The following FAM167A variants were observed in gnomAD, a reference collection of about 807,000 sequenced individuals.
FAM167A encodes family with sequence similarity 167 member A.
Under a neutral mutation model 14.9 loss-of-function variants are expected in FAM167A, and 23 were observed. The ratio of observed to expected loss-of-function variants is 1.55; its 90% CI spans 1.11 to 2.19. The LOEUF is 2.19. Among genes scored for constraint, FAM167A ranks in the 30% most tolerant of loss-of-function variants. The pLI, the probability that FAM167A is intolerant of heterozygous loss-of-function variation, is 0.00. For synonymous variants in FAM167A, 174 were observed against 117.7 expected, an observed-to-expected ratio of 1.48 and a Z score of -3.10; for missense variants, 401 against 281.5, an observed-to-expected ratio of 1.42 and a Z score of -3.04.
At chr8:11,458,247 C>T (rs1026500869) in intron 1 of FAM167A, among the ~76,000 whole-genome samples, 2 of 152,188 alleles carry the variant, frequency 1.3e-5, no homozygotes, top group Admixed American at 1.3e-4. Flanking sequence ...AGTCTTCAAG[C>T]CTGGATCAAA....
At chr8:11,443,469 CCGACT>C (rs1049737308) in intron 2 of FAM167A, among the ~76,000 whole-genome samples, 4 of 152,190 alleles carry the variant, frequency 2.6e-5, no homozygotes. Flanking sequence ...ACCCATCCCG[CCGACT>C]CTGGGCAGCT....
At chr8:11,452,005 A>G (rs1322837784) in intron 1 of FAM167A, among the ~76,000 whole-genome samples, 1 of 152,188 alleles carries the variant, frequency 6.6e-6, no homozygotes, top group Admixed American at 6.5e-5. Flanking sequence ...TGGTGAGGAA[A>G]ATATACAACT....
intron 1 of FAM167A, among the ~76,000 whole-genome samples, chr8:11,452,370 T>A (rs972475356): frequency 6.6e-6 from 1 of 152,256 alleles, no homozygotes; most frequent in African/African-American, 2.4e-5. Context: ...CCAGCTGGGC[T>A]ACAGCCGGAC....
intron 1 of FAM167A, among the ~76,000 whole-genome samples, chr8:11,456,460 G>A (rs1475764217): frequency 1.6e-5 from 2 of 121,568 alleles, no homozygotes; most frequent in Non-Finnish European, 3.5e-5. Flanking sequence ...TTGCCCTGCT[G>A]TATGTGTGAG....
At chr8:11,472,676 T>C (rs1237584066) in intron 1 of FAM167A, among the ~76,000 whole-genome samples, 1 of 152,208 alleles carries the variant, frequency 6.6e-6, no homozygotes, top group Non-Finnish European at 1.5e-5. Flanking sequence ...TGAGCCTGGC[T>C]ACTTTGAGTA....
intron 1 of FAM167A, among the ~76,000 whole-genome samples, chr8:11,450,229 C>T (rs1388090940): frequency 6.6e-6 from 1 of 152,194 alleles, no homozygotes; most frequent in African/African-American, 2.4e-5. Flanking sequence ...GGAAGTTTTG[C>T]TTGATTTGCC....
intron 1 of FAM167A, among the ~76,000 whole-genome samples, chr8:11,451,274 T>C (rs1363244642): frequency 6.6e-6 from 1 of 152,188 alleles, no homozygotes; most frequent in South Asian, 2.1e-4. Flanking sequence ...GTGTGGCAGC[T>C]TGGCCATCAC....
At chr8:11,465,370 G>C (rs1234182202) in intron 1 of FAM167A, among the ~76,000 whole-genome samples, 1 of 152,144 alleles carries the variant, frequency 6.6e-6, no homozygotes, top group Non-Finnish European at 1.5e-5. Context: ...CCAGGTGTGG[G>C]AGCCACACCA....
At chr8:11,424,770 T>C (rs1805019387) in intron 2 of FAM167A, 134 bp from the exon 3 acceptor site, 2 of 1,313,356 alleles carry the variant, frequency 1.5e-6, no homozygotes, top group Admixed American at 2.4e-5. Flanking sequence ...GCACTTTCCC[T>C]GCTCAGGGAG....
At chr8:11,473,566 A>T (rs1232303988) in intron 1 of FAM167A, among the ~76,000 whole-genome samples, 1 of 152,186 alleles carries the variant, frequency 6.6e-6, no homozygotes, top group Non-Finnish European at 1.5e-5. Flanking sequence ...TAGATGTTCA[A>T]ACAAAAAGAA....
At chr8:11,455,636 G>GGGGT (rs1554530100) in intron 1 of FAM167A, among the ~76,000 whole-genome samples, 1 of 129,570 alleles carries the variant, frequency 7.7e-6, no homozygotes, top group Non-Finnish European at 1.6e-5. Flanking sequence ...TGCTCTGCTG[G>GGGGT]GTGTGAGTGT....
chr8:11,467,685 G>A (rs1453931760), upstream of FAM167A: 1 of 152,356 alleles, frequency 6.6e-6, no homozygotes, highest in Non-Finnish European at 1.5e-5. Context: ...CAGGCTCCAG[G>A]CAGGTGCGCG....
upstream of FAM167A, among the ~76,000 whole-genome samples, chr8:11,469,047 G>A (rs201266986): frequency 6.6e-6 from 1 of 152,202 alleles, no homozygotes; most frequent in Non-Finnish European, 1.5e-5. Context: ...AGAATGGTAT[G>A]TAGCCATAGA....
intron 1 of FAM167A, among the ~76,000 whole-genome samples, chr8:11,455,649 G>A (rs1406353815): frequency 2.7e-5 from 4 of 148,820 alleles, no homozygotes; most frequent in African/African-American, 9.9e-5. Context: ...GTGAGTGTTG[G>A]GGGTGGTTGC....
rs953536307 is a variant in FAM167A at position 11,421,742 on chromosome 8, G to A, written c.*2631C>T. 5 of 399,014 alleles carry A rather than the reference G, an allele frequency of 1.3e-5. No individual in the cohort carries two copies. Among genetic ancestry groups the A allele is most frequent in the African/African-American group, 2.1e-5 (1 of 48,710 alleles). 24.7% of individuals were successfully genotyped at this position (399,014 alleles called of 1,614,324 possible). Reference sequence around the variant, plus strand: ...ATGGCAGTGTCGGTGGAGAGTTTGCGTTTTACACCCAGCGATGCTTGGGGA... The same window carrying A: ...ATGGCAGTGTCGGTGGAGAGTTTGCATTTTACACCCAGCGATGCTTGGGGA... On this transcript the variant is annotated 3_prime_UTR_variant, in exon 3 of 3. Transcript: ENST00000284486.
At chr8:11,452,826 C>G (rs943692971) in intron 1 of FAM167A, among the ~76,000 whole-genome samples, 1 of 152,200 alleles carries the variant, frequency 6.6e-6, no homozygotes, top group Admixed American at 6.5e-5. Flanking sequence ...CCAGTGCCAG[C>G]ACGGGCTGAG....
Position 11,422,638 on chromosome 8 carries a change from G to C in FAM167A, c.*1735C>G, listed in dbSNP as rs894147802. The C allele has an allele frequency of 2.6e-5, 4 of 152,290 alleles. No individual in the cohort carries two copies. In the South Asian group the frequency reaches 8.3e-4, roughly 32 times the overall value. 9.4% of individuals were successfully genotyped at this position (152,290 alleles called of 1,614,324 possible). On this transcript the variant is annotated 3_prime_UTR_variant, in exon 3 of 3. Coordinates refer to ENST00000284486, the MANE Select transcript of FAM167A (RefSeq NM_053279.3). ...TGGCTCTTTGAAATTTTAAAAAAGA[G>C]ACCAAGTTCTTTTCTGTCTACTAGA...
At chr8:11,442,098 A>C (rs2117075371) in intron 2 of FAM167A, among the ~76,000 whole-genome samples, 1 of 152,282 alleles carries the variant, frequency 6.6e-6, no homozygotes, top group East Asian at 1.9e-4. Context: ...AGTCCTGACA[A>C]TTTCTGCTCT....
chr8:11,462,852 C>T (rs1807594214), intron 1 of FAM167A, among the ~76,000 whole-genome samples: 1 of 152,206 alleles, frequency 6.6e-6, no homozygotes, highest in African/African-American at 2.4e-5. Context: ...CAGCATTGGG[C>T]ATTTGATGAT....
Sources: gnomAD v4.1 joint callset for allele counts (sites outside exome capture counted in the v4.1 genomes callset) on GRCh38, gnomAD v4.1.1 for gene constraint, MANE v1.5 for transcripts, NCBI Gene and HGNC (gene_info 2026-07-23, HGNC 2026-07-21) for gene names.